The following GNG4 variants were observed in gnomAD, a reference collection of about 807,000 sequenced individuals.
GNG4 encodes the protein G protein subunit gamma 4, also known as guanine nucleotide-binding protein G(I)/G(S)/G(O) subunit gamma-4.
GNG4 carries 4 observed loss-of-function variants against 5.8 expected under a neutral mutation model. That is an observed-to-expected ratio of 0.69 (90% CI 0.34 to 1.57). The LOEUF (loss-of-function observed/expected upper bound fraction) is 1.57, where lower values mean the gene tolerates loss of function less well. GNG4 is among the 40% of genes most tolerant of loss of function. GNG4 has a pLI of 0.06. For missense variants in GNG4, 96 were observed against 95.1 expected, an observed-to-expected ratio of 1.01 and a Z score of -0.04; for synonymous variants, 29 against 32.9, an observed-to-expected ratio of 0.88 and a Z score of 0.41.
At position 235,581,182 on chromosome 1, in the gene GNG4, G is replaced by A. The variant is rs575062357; in HGVS notation, c.99+2558C>T. On this transcript the variant is annotated intron_variant, in intron 3 of 3. Coordinates refer to ENST00000391854, the MANE Select transcript of GNG4 (RefSeq NM_001098722.2). ...GCCTGGTGGGAAGTGATTGGACATG[G>A]GGGTGGTTTCTCATGAAGGGTTTAA... Among the ~76,000 whole-genome samples, 7 of 152,230 alleles carry A rather than the reference G, an allele frequency of 4.6e-5. No homozygotes were observed. In the East Asian group the frequency reaches 1.4e-3, roughly 29 times the overall value.
At chr1:235,595,171 A>G (rs910460857) in intron 2 of GNG4, among the ~76,000 whole-genome samples, 12 of 152,128 alleles carry the variant, frequency 7.9e-5, no homozygotes, top group Admixed American at 6.5e-5. Flanking sequence ...ATCCATTCAC[A>G]TAGGGGATAA....
intron 3 of GNG4, among the ~76,000 whole-genome samples, chr1:235,567,909 T>G (rs1687239411): frequency 6.6e-6 from 1 of 152,128 alleles, no homozygotes; most frequent in South Asian, 2.1e-4. Flanking sequence ...TAAGCAACAA[T>G]GAGGAAGGGG....
rs72761730 is a variant in GNG4 at position 235,592,576 on chromosome 1, A to C, written c.-11+2824T>G. Reference sequence around the variant, plus strand: ...GTCCTGCCCACAAGCCAGAGCTAACATTTTTTTTGCCGACCCCAACATTTT... The same window carrying C: ...GTCCTGCCCACAAGCCAGAGCTAACCTTTTTTTTGCCGACCCCAACATTTT... On this transcript the variant is annotated intron_variant, in intron 2 of 3. Transcript: ENST00000391854. Among the ~76,000 whole-genome samples the C allele has an allele frequency of 5.1e-3, 772 of 151,870 alleles. 2 individuals are homozygous for C. The highest frequency in any genetic ancestry group is 6.9e-3 in the Non-Finnish European group (466 of 67,898).
chr1:235,632,966 T>TGATC (rs1688964648), intron 1 of GNG4, among the ~76,000 whole-genome samples: 1 of 152,238 alleles, frequency 6.6e-6, no homozygotes, highest in South Asian at 2.1e-4. Flanking sequence ...CGGACACTGC[T>TGATC]GATCATCTGT....
chr1:235,597,629 T>TGTGTA (rs1688157373), intron 1 of GNG4, among the ~76,000 whole-genome samples: 1 of 90,814 alleles, frequency 1.1e-5, no homozygotes, highest in East Asian at 2.4e-4. Flanking sequence ...TGTGTGTGTG[T>TGTGTA]ATTTTTTTTT....
chr1:235,562,673 G>GAAAAAAAAAAAAAGAAAAAAAAAAAAAA (rs1195775836), intron 3 of GNG4, among the ~76,000 whole-genome samples: 2 of 123,014 alleles, frequency 1.6e-5, no homozygotes, highest in Non-Finnish European at 3.5e-5. Context: ...AAAAAAAAAA[G>GAAAAAAAAAAAAAGAAAAAAAAAAAAAA]AAAAAAAAAA....
chr1:235,620,222 G>A (rs1688677214), intron 1 of GNG4, among the ~76,000 whole-genome samples: 1 of 152,032 alleles, frequency 6.6e-6, no homozygotes, highest in Non-Finnish European at 1.5e-5. Flanking sequence ...AAAATTAGGC[G>A]GGCATGTTGG....
chr1:235,622,805 G>A (rs751846358), intron 1 of GNG4, among the ~76,000 whole-genome samples: 2 of 148,172 alleles, frequency 1.3e-5, no homozygotes, highest in Non-Finnish European at 2.9e-5. Context: ...CTGCTGGGAG[G>A]TGGAGGTTGC....
chr1:235,613,943 A>T (rs567765150), intron 1 of GNG4, among the ~76,000 whole-genome samples: 3 of 152,152 alleles, frequency 2.0e-5, no homozygotes, highest in Non-Finnish European at 2.9e-5. Flanking sequence ...CCTCCTGAGT[A>T]GCTGGGACCA....
intron 3 of GNG4, among the ~76,000 whole-genome samples, chr1:235,563,450 C>A (rs796540601): frequency 7.5e-5 from 11 of 146,796 alleles, no homozygotes; most frequent in African/African-American, 2.8e-4. Flanking sequence ...ATCTTTATAG[C>A]CTTAATATGT....
At chr1:235,573,357 G>A (rs1325335901) in intron 3 of GNG4, among the ~76,000 whole-genome samples, 1 of 151,384 alleles carries the variant, frequency 6.6e-6, no homozygotes, top group African/African-American at 2.4e-5. Context: ...ATAGCATTAG[G>A]AGAAATGCCT....
At chr1:235,605,134 C>CT (rs1688332447) in intron 1 of GNG4, among the ~76,000 whole-genome samples, 2 of 151,552 alleles carry the variant, frequency 1.3e-5, no homozygotes, top group South Asian at 4.2e-4. Context: ...TAAACACATA[C>CT]TATGTCAGGC....
rs1303105465 is a variant in GNG4 at position 235,551,199 on chromosome 1, CCACCACGGCCCACAGCCGGGG to C, written c.*889_*909del. ...GTAGGACCACTGAAACAAGGGACATCCACCACGGCCCACAGCCGGGGCGCCACGGCCCCAGGAGGATATGCT... is the reference window on the plus strand; with the variant it reads ...GTAGGACCACTGAAACAAGGGACATCCGCCACGGCCCCAGGAGGATATGCT... On this transcript the variant is annotated 3_prime_UTR_variant, in exon 4 of 4. Transcript: ENST00000391854. 1 of 152,340 alleles carries C rather than the reference CCACCACGGCCCACAGCCGGGG, an allele frequency of 6.6e-6. No homozygotes were observed. The highest frequency in any genetic ancestry group is 2.4e-5 in the African/African-American group (1 of 41,458). 9.4% of individuals were successfully genotyped at this position (152,340 alleles called of 1,614,324 possible).
At chr1:235,630,225 G>A (rs1216317163) in intron 1 of GNG4, among the ~76,000 whole-genome samples, 1 of 152,020 alleles carries the variant, frequency 6.6e-6, no homozygotes, top group African/African-American at 2.4e-5. Context: ...TACACTAAAC[G>A]CACACTCACA....
intron 1 of GNG4, among the ~76,000 whole-genome samples, chr1:235,624,221 G>GC (rs1022942384): frequency 1.3e-5 from 2 of 151,480 alleles, no homozygotes; most frequent in African/African-American, 2.4e-5. Flanking sequence ...TCCTGCCTCA[G>GC]CCCCCCGAGT....
intron 1 of GNG4, among the ~76,000 whole-genome samples, chr1:235,631,168 G>A (rs940182727): frequency 6.6e-6 from 1 of 152,090 alleles, no homozygotes; most frequent in African/African-American, 2.4e-5. Context: ...CAAAGTGCTG[G>A]GATTACAGGT....
intron 3 of GNG4, among the ~76,000 whole-genome samples, chr1:235,582,889 C>A (rs902019820): frequency 6.6e-6 from 1 of 152,164 alleles, no homozygotes; most frequent in African/African-American, 2.4e-5. Context: ...ACTGTCCACA[C>A]AGAGGTGAGT....
chr1:235,569,333 A>G (rs1380617642), intron 3 of GNG4, among the ~76,000 whole-genome samples: 1 of 151,836 alleles, frequency 6.6e-6, no homozygotes, highest in East Asian at 1.9e-4. Context: ...ACATGGCAAA[A>G]CCTAGTCTTA....
At chr1:235,630,393 C>T (rs752543905) in intron 1 of GNG4, among the ~76,000 whole-genome samples, 23 of 152,324 alleles carry the variant, frequency 1.5e-4, no homozygotes, top group Non-Finnish European at 3.2e-4. Flanking sequence ...CAGCCTGTGA[C>T]TCAACTACTT....
Sources: gnomAD v4.1 joint callset for allele counts (sites outside exome capture counted in the v4.1 genomes callset) on GRCh38, gnomAD v4.1.1 for gene constraint, MANE v1.5 for transcripts, NCBI Gene and HGNC (gene_info 2026-07-23, HGNC 2026-07-21) for gene names.